The following TRIM40 variants were observed in gnomAD, a reference collection of about 807,000 sequenced individuals.
The protein encoded by TRIM40 is E3 ubiquitin ligase TRIM40.
In TRIM40, 27 loss-of-function variants were observed where a neutral mutation model predicts 26.1. The ratio of observed to expected loss-of-function variants is 1.04; its 90% confidence interval spans 0.76 to 1.43. TRIM40 has a LOEUF of 1.43. TRIM40 is among the 40% of genes most tolerant of loss of function. The probability of loss-of-function intolerance (pLI) is 0.00; values close to 1 mark genes in which losing one functional copy is unlikely to be tolerated. For missense variants in TRIM40, 289 were observed against 307.9 expected, an observed-to-expected ratio of 0.94 and a Z score of 0.46; for synonymous variants, 114 against 120.0, an observed-to-expected ratio of 0.95 and a Z score of 0.33.
chr6:30,145,901 TG>T, intron 2 of TRIM40, 92 bp from the exon 3 acceptor site: 1 of 898,112 alleles, frequency 1.1e-6, no homozygotes, highest in Non-Finnish European at 1.8e-6. Context: ...AGTTGCATTC[TG>T]GGATCAGGCC....
chr6:30,144,434 A>G (rs910773556), intron 2 of TRIM40, among the ~76,000 whole-genome samples: 6 of 152,134 alleles, frequency 3.9e-5, no homozygotes, highest in African/African-American at 1.4e-4. Context: ...GAAGCATGAG[A>G]TGGATTGCTA....
chr6:30,146,601 T>C (rs191236154), intron 3 of TRIM40, among the ~76,000 whole-genome samples: 21 of 152,194 alleles, frequency 1.4e-4, no homozygotes, highest in South Asian at 4.1e-4. Flanking sequence ...TTAGTAGAGA[T>C]GGGGTTTCAC....
intron 2 of TRIM40, among the ~76,000 whole-genome samples, chr6:30,145,387 T>A (rs915176865): frequency 1.3e-5 from 2 of 152,228 alleles, no homozygotes; most frequent in African/African-American, 2.4e-5. Flanking sequence ...TTTGCTTCTC[T>A]TATAGGTCAT....
chr6:30,146,231 T>C (rs1771639713), intron 3 of TRIM40, 142 bp downstream of exon 3: 1 of 698,660 alleles, frequency 1.4e-6, no homozygotes, highest in Admixed American at 2.7e-5. Flanking sequence ...GTGTTGGCCT[T>C]GGCGTCAAAG....
rs754865592 is a variant in TRIM40, at chr6:30,137,384, A to T, written c.345+3A>T. The stretch of plus-strand genomic sequence containing the variant: ...AAAATGCCCTCAGCCACTACAAGGT[A>T]AGCCTGGGTCACCGCAGCCAGGCCC... On this transcript the variant is annotated splice_donor_region_variant and intron_variant, in intron 2 of 5. Coordinates refer to ENST00000396581, the MANE Select transcript of TRIM40 (RefSeq NM_001286633.2). 6.2e-7 allele frequency: 1 copy of T among 1,609,112 alleles called. No individual in the cohort carries two copies. The highest frequency in any genetic ancestry group is 1.7e-5 in the Admixed American group (1 of 59,860).
rs1573297 is a variant in TRIM40, at chr6:30,148,564, C to T, written c.*752C>T. ...AAGAACCTGAATTCTGCCAACAACC[C>T]GAGTGAGCTTGGAAGCAGATTCTTC... On this transcript the variant is annotated 3_prime_UTR_variant, in exon 6 of 6. Transcript: ENST00000396581. The T allele has an allele frequency of 0.2, 30,062 of 152,074 alleles. 3,308 individuals are homozygous for T. The highest frequency in any genetic ancestry group is 0.24 in the East Asian group (1,257 of 5,168). 9.4% of individuals were successfully genotyped at this position (152,074 alleles called of 1,614,324 possible). A position where few individuals can be genotyped will look rare whatever the true frequency, so the allele number is the denominator to read the frequency against.
chr6:30,141,210 T>G (rs1771324398), intron 2 of TRIM40, among the ~76,000 whole-genome samples: 1 of 152,180 alleles, frequency 6.6e-6, no homozygotes, highest in South Asian at 2.1e-4. Context: ...ACGCCTGTGG[T>G]CCCAGCTACT....
Position 30,146,085 on chromosome 6 carries a change from T to C in TRIM40, c.437T>C (p.Leu146Pro), listed in dbSNP as rs146934347. 4.2e-5 allele frequency: 68 copies of C among 1,612,678 alleles called. No homozygotes were observed. The African/African-American group carries it at 8.0e-4, about 19-fold the overall frequency. The change falls in exon 3 of 6, where the codon CTG (leucine) becomes CCG (proline). Residue 146 changes from leucine (L) to proline (P), a missense_variant. By Grantham distance (98) the Leu-to-Pro change is moderately conservative (BLOSUM62 -3). Coordinates refer to ENST00000396581, the MANE Select transcript of TRIM40 (RefSeq NM_001286633.2). ...KAQQEKKLQA[L>P]QFQVDHGNHR... Reference sequence around the variant, plus strand: ...CAGCAGGAGAAGAAACTGCAGGCTCTGCAGGTGGGTTTTTCGGGTTCCTGG... The same window carrying C: ...CAGCAGGAGAAGAAACTGCAGGCTCCGCAGGTGGGTTTTTCGGGTTCCTGG...
At chr6:30,141,152 G>T (rs1771320805) in intron 2 of TRIM40, among the ~76,000 whole-genome samples, 1 of 152,060 alleles carries the variant, frequency 6.6e-6, no homozygotes, top group East Asian at 1.9e-4. Context: ...GAAATTAACA[G>T]GATTTAAAAA....
At chr6:30,140,528 C>G (rs144734171) in intron 2 of TRIM40, among the ~76,000 whole-genome samples, 2 of 151,910 alleles carry the variant, frequency 1.3e-5, no homozygotes, top group East Asian at 3.9e-4. Context: ...AATGAGAACA[C>G]GTGGACACAG....
chr6:30,147,758 C>G lies in TRIM40; in HGVS notation c.723C>G (p.Pro241=). The G allele has an allele frequency of 6.2e-7, 1 of 1,614,116 alleles. No individual in the cohort carries two copies. Among genetic ancestry groups the G allele is most frequent in the Non-Finnish European group, 8.5e-7 (1 of 1,180,022 alleles). Residue 241 remains proline (P), a synonymous_variant, in exon 6 of 6, where the codon CCC becomes CCG. Transcript: ENST00000396581. The part of the protein sequence containing the change: ...SAPQKLEVIY[P]QLEKGVSELL... ...CACAGAAATTAGAGGTTATTTATCC[C>G]CAGTTGGAGAAAGGAGTCAGTGAAT...
intron 2 of TRIM40, among the ~76,000 whole-genome samples, chr6:30,139,534 G>C (rs964646110): frequency 1.3e-5 from 2 of 151,772 alleles, no homozygotes; most frequent in Non-Finnish European, 2.9e-5. Flanking sequence ...GTAGAAACAG[G>C]GTTTCACCAT....
At chr6:30,137,688 T>A (rs746196072) in intron 2 of TRIM40, among the ~76,000 whole-genome samples, 1 of 152,196 alleles carries the variant, frequency 6.6e-6, no homozygotes, top group Non-Finnish European at 1.5e-5. Flanking sequence ...GGACTAAAAC[T>A]GTGTGAACTC....
intron 2 of TRIM40, among the ~76,000 whole-genome samples, chr6:30,138,524 G>T (rs954850582): frequency 1.3e-5 from 2 of 152,068 alleles, no homozygotes; most frequent in Admixed American, 1.3e-4. Context: ...TCTTTGTGCT[G>T]TTCTATTCTG....
rs533151924 is a variant in TRIM40 at position 30,148,460 on chromosome 6, C to T, written c.*648C>T. On this transcript the variant is annotated 3_prime_UTR_variant, in exon 6 of 6. Coordinates refer to ENST00000396581, the MANE Select transcript of TRIM40 (RefSeq NM_001286633.2). ...TGTATAGAACTCCTCCTTGCTGGCC[C>T]ACCCTTTTAGAGCCCCTCCTAGGAG... 1 of 152,436 alleles carries T rather than the reference C, an allele frequency of 6.6e-6. No homozygotes were observed. The highest frequency in any genetic ancestry group is 2.4e-5 in the African/African-American group (1 of 41,544). 9.4% of individuals were successfully genotyped at this position (152,436 alleles called of 1,614,324 possible). A position where few individuals can be genotyped will look rare whatever the true frequency, so the allele number is the denominator to read the frequency against.
chr6:30,136,389 T>G (rs1770998750), intron 1 of TRIM40, 200 bp downstream of exon 1: 1 of 152,936 alleles, frequency 6.5e-6, no homozygotes, highest in African/African-American at 2.4e-5. Context: ...TTCTGTGTCC[T>G]GTTTTCTTTC....
In TRIM40 at chr6:30,147,170, G is replaced by A. The variant is rs1771721089; in HGVS notation, c.627G>A (p.Leu209=). 1 of 1,614,106 alleles carries A rather than the reference G, an allele frequency of 6.2e-7. No individual in the cohort carries two copies. Among genetic ancestry groups the A allele is most frequent in the Non-Finnish European group, 8.5e-7 (1 of 1,180,042 alleles). ...VTQLRSLVID[L]ERTAKELDTN... ...AGCTCAGAAGCCTGGTCATTGATCT[G>A]GAAAGGACGGCCAAGGAATTAGACA... The change falls in exon 4 of 6, where the codon CTG becomes CTA. Residue 209 remains leucine (L), a synonymous_variant. Transcript: ENST00000396581.
chr6:30,141,045 G>A (rs914375303), intron 2 of TRIM40, among the ~76,000 whole-genome samples: 2 of 152,194 alleles, frequency 1.3e-5, no homozygotes, highest in African/African-American at 4.8e-5. Flanking sequence ...ACTTTGGGAG[G>A]CCAAAGTGGG....
At chr6:30,137,422 G>T (rs761920178) in intron 2 of TRIM40, 41 bp downstream of exon 2, 2 of 1,537,782 alleles carry the variant, frequency 1.3e-6, no homozygotes, top group Non-Finnish European at 1.8e-6. Context: ...CCTCCACCTC[G>T]CTGAGGTGCT....
Sources: gnomAD v4.1 joint callset for allele counts (sites outside exome capture counted in the v4.1 genomes callset) on GRCh38, gnomAD v4.1.1 for gene constraint, MANE v1.5 for transcripts, NCBI Gene and HGNC (gene_info 2026-07-23, HGNC 2026-07-21) for gene names.